The following PKD2 variants were observed in gnomAD, a reference collection of about 807,000 sequenced individuals.
PKD2 encodes the protein polycystin 2, transient receptor potential cation channel, also known as polycystin-2.
Under a neutral mutation model 105.9 loss-of-function variants are expected in PKD2, and 48 were observed. The ratio of observed to expected loss-of-function variants is 0.45; its 90% confidence interval spans 0.36 to 0.58. The LOEUF (loss-of-function observed/expected upper bound fraction) is 0.58. PKD2 is among the 20% of genes least tolerant of loss of function. PKD2 has a pLI of 0.00. For synonymous variants in PKD2, 464 were observed against 481.1 expected (o/e 0.96, Z 0.46); for missense variants, 1,078 against 1,255.3 (o/e 0.86, Z 2.13).
At position 88,022,126 on chromosome 4, in the gene PKD2, A is replaced by T. The variant is rs1381917780; in HGVS notation, c.709+2555A>T. Among the ~76,000 whole-genome samples, 3 of 152,200 alleles carry T rather than the reference A, an allele frequency of 2.0e-5. No individual in the cohort carries two copies. In the East Asian group the frequency reaches 5.8e-4, roughly 29 times the overall value. On this transcript the variant is annotated intron_variant, in intron 2 of 14. Coordinates refer to ENST00000237596, the MANE Select transcript of PKD2 (RefSeq NM_000297.4). ...CTTAGTCTCTTCACCAAAAACTGTG[A>T]AGCACTGTGTCCCCCAGCTGTATGT...
intron 2 of PKD2, among the ~76,000 whole-genome samples, chr4:88,034,814 C>T (rs1042918994): frequency 2.0e-5 from 3 of 151,910 alleles, no homozygotes; most frequent in South Asian, 2.1e-4. Context: ...GTATTAATCA[C>T]GGGTATTCAG....
rs2728122 is a variant in PKD2 at position 88,066,402 on chromosome 4, C to G, written c.2358+523C>G. Among the ~76,000 whole-genome samples, 2,425 of 148,564 alleles carry G rather than the reference C, an allele frequency of 0.016. 214 individuals carry two copies. In the East Asian group the frequency reaches 0.22, roughly 14 times the overall value. On this transcript the variant is annotated intron_variant, in intron 12 of 14. Transcript: ENST00000237596. ...TTTGAGATGGAGTCTTGCTCTGCCT[C>G]CCAGGCTGGAGTGCAGTGGCACAAT...
At chr4:88,033,218 C>T (rs537610348) in intron 2 of PKD2, among the ~76,000 whole-genome samples, 3 of 152,106 alleles carry the variant, frequency 2.0e-5, no homozygotes, top group South Asian at 2.1e-4. Flanking sequence ...CTTGAGCTCA[C>T]AAGTTTGAGA....
chr4:88,018,007 C>T (rs916033638), intron 1 of PKD2, among the ~76,000 whole-genome samples: 1 of 152,208 alleles, frequency 6.6e-6, no homozygotes, highest in African/African-American at 2.4e-5. Flanking sequence ...CTGTGTTATT[C>T]TAAGTTGTAA....
intron 6 of PKD2, among the ~76,000 whole-genome samples, chr4:88,051,230 C>T (rs1720084679): frequency 6.6e-6 from 1 of 152,212 alleles, no homozygotes. Flanking sequence ...TATATTCCCA[C>T]TGCAGGCCTT....
chr4:88,063,437 A>T (rs1230002032), intron 10 of PKD2, among the ~76,000 whole-genome samples: 3 of 152,062 alleles, frequency 2.0e-5, no homozygotes, highest in African/African-American at 7.2e-5. Context: ...AGGCTGAGGC[A>T]GGAGAATCGC....
At chr4:88,049,937 T>G (rs1400205236) in intron 6 of PKD2, among the ~76,000 whole-genome samples, 1 of 152,012 alleles carries the variant, frequency 6.6e-6, no homozygotes, top group Non-Finnish European at 1.5e-5. Flanking sequence ...CTCAAATAAT[T>G]TATTGACCAC....
Position 88,008,101 on chromosome 4 carries a change from G to A in PKD2, c.368G>A (p.Arg123Gln), listed in dbSNP as rs1578111487. The A allele has an allele frequency of 4.0e-6, 6 of 1,515,780 alleles. No individual in the cohort carries two copies. The highest frequency in any genetic ancestry group is 5.3e-6 in the Non-Finnish European group (6 of 1,137,124). 93.9% of individuals were successfully genotyped at this position (1,515,780 alleles called of 1,614,324 possible). ...GACGTAGAGTGGCGCCCGGGCAGCC[G>A]GAGGTCGGCCGCCTCCTCGGCCGTG... Reference protein sequence around the residue: ...EMDVEWRPGSRRSAASSAVSS... With the variant: ...EMDVEWRPGSQRSAASSAVSS... Residue 123 changes from arginine (R) to glutamine (Q), a missense_variant, in exon 1 of 15, where the codon CGG becomes CAG. Coordinates refer to ENST00000237596, the MANE Select transcript of PKD2 (RefSeq NM_000297.4).
intron 10 of PKD2, among the ~76,000 whole-genome samples, 170 bp downstream of exon 10, chr4:88,062,174 T>C (rs1720601444): frequency 6.6e-6 from 1 of 152,222 alleles, no homozygotes; most frequent in Non-Finnish European, 1.5e-5. Flanking sequence ...TCTTGATGGA[T>C]ATACTGCTAT....
chr4:88,044,038 T>A (rs963345748), intron 5 of PKD2, among the ~76,000 whole-genome samples: 9 of 152,182 alleles, frequency 5.9e-5, no homozygotes, highest in Non-Finnish European at 1.3e-4. Flanking sequence ...CACTGGCTTG[T>A]CTGGGACTCT....
chr4:88,063,224 C>T (rs1412931641), intron 10 of PKD2, among the ~76,000 whole-genome samples: 1 of 152,156 alleles, frequency 6.6e-6, no homozygotes, highest in Non-Finnish European at 1.5e-5. Flanking sequence ...CAGTAATAAG[C>T]CCATGTGACA....
At chr4:88,061,629 T>A (rs1010097757) in intron 9 of PKD2, among the ~76,000 whole-genome samples, 7 of 151,888 alleles carry the variant, frequency 4.6e-5, no homozygotes, top group African/African-American at 1.5e-4. Context: ...TCCCAGCTAC[T>A]CAGGAGGCTG....
At chr4:88,024,251 G>C (rs1726868108) in intron 2 of PKD2, among the ~76,000 whole-genome samples, 1 of 151,932 alleles carries the variant, frequency 6.6e-6, no homozygotes, top group East Asian at 1.9e-4. Context: ...GAGGTCACGA[G>C]TTCAAGACCA....
Position 88,076,240 on chromosome 4 carries a change from G to C in PKD2, c.*546G>C, listed in dbSNP as rs894528197. The C allele has an allele frequency of 6.3e-6, 1 of 158,842 alleles. No homozygotes were observed. Among genetic ancestry groups the C allele is most frequent in the African/African-American group, 2.4e-5 (1 of 41,456 alleles). 9.8% of individuals were successfully genotyped at this position (158,842 alleles called of 1,614,324 possible). A position where few individuals can be genotyped will look rare whatever the true frequency, so the allele number is the denominator to read the frequency against. The stretch of plus-strand genomic sequence containing the variant: ...TGGAAAGGAACTCCAAACTATGATA[G>C]AATCTGTGTGAATGGTTAAGATGAA... On this transcript the variant is annotated 3_prime_UTR_variant, in exon 15 of 15. Coordinates refer to ENST00000237596, the MANE Select transcript of PKD2 (RefSeq NM_000297.4).
intron 1 of PKD2, 105 bp downstream of exon 1, chr4:88,008,433 C>T: frequency 2.3e-6 from 3 of 1,325,906 alleles, no homozygotes; most frequent in African/African-American, 3.1e-5. Context: ...TCTCGCATCC[C>T]CTCTGCGTTC....
chr4:88,012,888 G>C (rs965973549), intron 1 of PKD2, among the ~76,000 whole-genome samples: 1 of 152,042 alleles, frequency 6.6e-6, no homozygotes, highest in Non-Finnish European at 1.5e-5. Flanking sequence ...TTATCCATGC[G>C]TGCAAATTCC....
At chr4:88,073,453 GA>G (rs1028615977) in intron 13 of PKD2, among the ~76,000 whole-genome samples, 3 of 151,922 alleles carry the variant, frequency 2.0e-5, no homozygotes, top group Non-Finnish European at 4.4e-5. Context: ...TTGAACCTAC[GA>G]GGCAGAAGTT....
intron 13 of PKD2, among the ~76,000 whole-genome samples, chr4:88,073,786 C>T (rs187289945): frequency 1.3e-5 from 2 of 152,214 alleles, no homozygotes; most frequent in East Asian, 3.9e-4. Flanking sequence ...TTGCTGTACA[C>T]CCTTAAAAGT....
chr4:88,025,042 G>A (rs1049495426), intron 2 of PKD2, among the ~76,000 whole-genome samples: 1 of 151,594 alleles, frequency 6.6e-6, no homozygotes, highest in African/African-American at 2.4e-5. Flanking sequence ...CTGAGGCAGG[G>A]AATTGCTTAA....
Sources: allele counts gnomAD v4.1 joint callset (sites outside exome capture counted in the v4.1 genomes callset), GRCh38; gene constraint gnomAD v4.1.1; transcripts MANE v1.5; gene names NCBI Gene and HGNC (gene_info 2026-07-23, HGNC 2026-07-21).